CTTNBP2: variants seen among roughly 807,000 people sequenced by gnomAD.
CTTNBP2 encodes the protein cortactin binding protein 2.
CTTNBP2 carries 108 observed loss-of-function variants against 156.9 expected under a neutral mutation model. The observed-to-expected ratio is 0.69, with a 90% confidence interval of 0.59 to 0.81. The LOEUF is 0.81. Among genes scored for constraint, CTTNBP2 ranks in the 30% least tolerant of loss-of-function variants. The probability of loss-of-function intolerance (pLI) is 0.00; values close to 1 mark genes in which losing one functional copy is unlikely to be tolerated. For synonymous variants in CTTNBP2, 767 were observed against 751.8 expected, an observed-to-expected ratio of 1.02 and a Z score of -0.33; for missense variants, 1,924 against 2,035.4, an observed-to-expected ratio of 0.95 and a Z score of 1.05.
intron 1 of CTTNBP2, among the ~76,000 whole-genome samples, chr7:117,870,799 G>C (rs866372906): frequency 2.0e-5 from 3 of 152,094 alleles, no homozygotes; most frequent in Non-Finnish European, 4.4e-5. Context: ...CACGGTTCAC[G>C]GCAAAGACTA....
intron 2 of CTTNBP2, among the ~76,000 whole-genome samples, chr7:117,820,710 A>G (rs549475153): frequency 6.6e-6 from 1 of 152,162 alleles, no homozygotes; most frequent in South Asian, 2.1e-4. Flanking sequence ...TGGATTCTTT[A>G]TTCTATTCCA....
chr7:117,860,403 C>T (rs1253225231), intron 2 of CTTNBP2, among the ~76,000 whole-genome samples: 8 of 151,294 alleles, frequency 5.3e-5, no homozygotes, highest in Non-Finnish European at 1.0e-4. Flanking sequence ...AGTGCAGTGG[C>T]GTGATCTCGA....
At chr7:117,832,350 A>G (rs1801662589) in intron 2 of CTTNBP2, among the ~76,000 whole-genome samples, 2 of 152,192 alleles carry the variant, frequency 1.3e-5, no homozygotes, top group Admixed American at 6.5e-5. Flanking sequence ...ATCTTCAGAC[A>G]TAACACTCCT....
intron 12 of CTTNBP2, among the ~76,000 whole-genome samples, chr7:117,748,607 T>A (rs1280476880): frequency 6.6e-6 from 1 of 152,230 alleles, no homozygotes; most frequent in Admixed American, 6.5e-5. Flanking sequence ...CTTTATGCCA[T>A]TGCATTTTCA....
At chr7:117,773,115 A>G (rs1246399426) in intron 8 of CTTNBP2, among the ~76,000 whole-genome samples, 2 of 152,248 alleles carry the variant, frequency 1.3e-5, no homozygotes, top group African/African-American at 2.4e-5. Flanking sequence ...TCTAGTTCCA[A>G]TGACTTTGTG....
At chr7:117,777,442 C>T in intron 8 of CTTNBP2, 69 bp downstream of exon 8, 1 of 1,508,590 alleles carries the variant, frequency 6.6e-7, no homozygotes, top group African/African-American at 1.4e-5. Context: ...TGCACTTAAT[C>T]TATAGCAGAC....
chr7:117,819,367 T>TCACACACACA lies in CTTNBP2; in HGVS notation c.190-8388_190-8379dup, dbSNP rs71529472. On this transcript the variant is annotated intron_variant, in intron 2 of 22. Coordinates refer to ENST00000160373, the MANE Select transcript of CTTNBP2 (RefSeq NM_033427.3). ...TTTCTCTTTTCTCCTTCTCTCTCTCTCACACACACACACACACACACACAC... is the reference window on the plus strand; with the variant it reads ...TTTCTCTTTTCTCCTTCTCTCTCTCTCACACACACACACACACACACACACACACACACAC... Among the ~76,000 whole-genome samples, 30 of 130,708 alleles carry TCACACACACA rather than the reference T, an allele frequency of 2.3e-4. 1 individual carries two copies. The highest frequency in any genetic ancestry group is 5.4e-4 in the South Asian group (2 of 3,672). The allele number at this position is 130,708 out of a possible 152,430, so 85.7% of individuals were successfully genotyped here. A position where few individuals can be genotyped will look rare whatever the true frequency, so the allele number is the denominator to read the frequency against.
chr7:117,861,445 T>C, intron 1 of CTTNBP2, 129 bp from the exon 2 acceptor site: 8 of 642,524 alleles, frequency 1.2e-5, no homozygotes, highest in South Asian at 9.7e-5. Context: ...GGGGTACTAT[T>C]TGCAGCAGAC....
chr7:117,809,904 T>C (rs977791826), intron 3 of CTTNBP2, among the ~76,000 whole-genome samples: 2 of 152,212 alleles, frequency 1.3e-5, no homozygotes, highest in Non-Finnish European at 2.9e-5. Context: ...AGAGAACATA[T>C]TAGTTTTAAT....
chr7:117,799,582 GAA>G (rs1338169497), intron 3 of CTTNBP2, among the ~76,000 whole-genome samples: 2 of 151,706 alleles, frequency 1.3e-5, no homozygotes, highest in Admixed American at 1.3e-4. Context: ...TTTTCCCTAA[GAA>G]AAAGACAATA....
In CTTNBP2 at chr7:117,760,463, A is replaced by G. The variant is rs1294197762; in HGVS notation, c.3144T>C (p.Ser1048=). 3 of 1,614,096 alleles carry G rather than the reference A, an allele frequency of 1.9e-6. No homozygotes were observed. The Middle Eastern group carries it at 5.0e-4, about 266-fold the overall frequency. ...NNTTDSNIGL[S]ARSIRSITLG... is the part of the protein sequence containing the mutation. ...GCGTGATGGATCGTATGCTTCTTGCACTGAGGCCGATGTTGGAATCAGTGG... is the reference window on the plus strand; with the variant it reads ...GCGTGATGGATCGTATGCTTCTTGCGCTGAGGCCGATGTTGGAATCAGTGG... Residue 1048 remains serine, a synonymous_variant, in exon 10 of 23, where the codon AGT becomes AGC. Coordinates refer to ENST00000160373, the MANE Select transcript of CTTNBP2 (RefSeq NM_033427.3).
At chr7:117,802,200 T>A (rs13240219) in intron 3 of CTTNBP2, among the ~76,000 whole-genome samples, 1 of 151,682 alleles carries the variant, frequency 6.6e-6, no homozygotes, top group South Asian at 2.1e-4. Context: ...GAATGATGAT[T>A]CAATACAGGA....
At chr7:117,713,159 G>A (rs558507239) in intron 22 of CTTNBP2, among the ~76,000 whole-genome samples, 5 of 152,282 alleles carry the variant, frequency 3.3e-5, no homozygotes, top group South Asian at 2.1e-4. Flanking sequence ...ACCCAGGTCC[G>A]TGGAAAAATT....
At chr7:117,813,666 ATGAC>A (rs1445669118) in intron 2 of CTTNBP2, among the ~76,000 whole-genome samples, 1 of 152,160 alleles carries the variant, frequency 6.6e-6, no homozygotes, top group African/African-American at 2.4e-5. Context: ...CGTCTGCAGA[ATGAC>A]TGCTTGTTCA....
chr7:117,795,452 G>C (rs1033289099), intron 3 of CTTNBP2, among the ~76,000 whole-genome samples: 8 of 152,088 alleles, frequency 5.3e-5, no homozygotes, highest in Non-Finnish European at 8.8e-5. Flanking sequence ...TTCATCATTT[G>C]CCTCTGAAGG....
intron 16 of CTTNBP2, among the ~76,000 whole-genome samples, chr7:117,734,630 G>A (rs532064211): frequency 6.6e-6 from 1 of 152,352 alleles, no homozygotes; most frequent in African/African-American, 2.4e-5. Context: ...CTTAAGAAGA[G>A]TGATTAATTT....
At chr7:117,768,581 A>AAAAGAAAG (rs527295714) in intron 8 of CTTNBP2, among the ~76,000 whole-genome samples, 74,018 of 99,240 alleles carry the variant, frequency 0.75, 30,507 homozygotes, top group East Asian at 0.96. Context: ...AAAAAAAAAA[A>AAAAGAAAG]AAAGAAAGAA....
At chr7:117,793,573 C>T (rs190916098) in intron 3 of CTTNBP2, 1 of 152,436 alleles carries the variant, frequency 6.6e-6, no homozygotes, top group Admixed American at 6.5e-5. Flanking sequence ...GCCATGTGCG[C>T]ATGGCACAAG....
intron 17 of CTTNBP2, 80 bp downstream of exon 17, chr7:117,728,009 G>A (rs1027665504): frequency 6.9e-6 from 9 of 1,297,048 alleles, no homozygotes; most frequent in Non-Finnish European, 8.7e-6. Context: ...AAGGCAGCCT[G>A]GTCAGCATTC....
Sources: gnomAD v4.1 joint callset for allele counts (sites outside exome capture counted in the v4.1 genomes callset) on GRCh38, gnomAD v4.1.1 for gene constraint, MANE v1.5 for transcripts, NCBI Gene and HGNC (gene_info 2026-07-23, HGNC 2026-07-21) for gene names.